PIEZO2: variants seen among roughly 807,000 people sequenced by gnomAD.
The protein encoded by PIEZO2 is piezo type mechanosensitive ion channel component 2.
Under a neutral mutation model 337.3 loss-of-function variants are expected in PIEZO2, and 172 were observed. The ratio of observed to expected loss-of-function variants is 0.51; its 90% CI spans 0.45 to 0.58. The LOEUF (loss-of-function observed/expected upper bound fraction) is 0.58. Among genes scored for constraint, PIEZO2 ranks in the 20% least tolerant of loss-of-function variants. PIEZO2 has a pLI of 0.00. For missense variants in PIEZO2, 3,028 were observed against 3,391.3 expected, an observed-to-expected ratio of 0.89 and a Z score of 2.66; for synonymous variants, 1,251 against 1,228.5, an observed-to-expected ratio of 1.02 and a Z score of -0.38.
At position 11,033,170 on chromosome 18, in the gene PIEZO2, C is replaced by T. The variant is rs1232282007; in HGVS notation, c.160+32957G>A. 1.3e-5 allele frequency among the ~76,000 whole-genome samples: 2 copies of T among 152,246 alleles called. No homozygotes were observed. The highest frequency in any genetic ancestry group is 2.9e-5 in the Non-Finnish European group (2 of 68,050). On this transcript the variant is annotated intron_variant, in intron 2 of 55. Coordinates refer to ENST00000674853, the MANE Select transcript of PIEZO2 (RefSeq NM_001378183.1). This position sits in a 1 kb window ranked among gnomAD's most constrained non-coding sequence, Gnocchi z 4.2. ...ACGTCATTGAGTCCTCTCTACAACA[C>T]ACATGTGGGCACTGTTCTCTCCTTC...
intron 2 of PIEZO2, among the ~76,000 whole-genome samples, chr18:11,062,785 A>G (rs2038014385): frequency 6.6e-6 from 1 of 152,220 alleles, no homozygotes; most frequent in Non-Finnish European, 1.5e-5. Context: ...GATGTGGAGA[A>G]ATAGGAACAC....
At chr18:10,744,070 A>G in intron 31 of PIEZO2, 72 bp downstream of exon 31, 1 of 1,084,480 alleles carries the variant, frequency 9.2e-7, no homozygotes, top group South Asian at 1.4e-5. Flanking sequence ...GCTCCCCAAC[A>G]GTGGAGCACC....
chr18:10,703,865 G>T (rs547140139), intron 42 of PIEZO2, among the ~76,000 whole-genome samples: 1 of 152,098 alleles, frequency 6.6e-6, no homozygotes, highest in Non-Finnish European at 1.5e-5. Flanking sequence ...TTTGTGTTGC[G>T]ACGTATGGAA....
At chr18:10,791,440 T>A (rs985089243) in intron 13 of PIEZO2, 116 bp from the exon 14 acceptor site, 4 of 1,185,254 alleles carry the variant, frequency 3.4e-6, no homozygotes, top group East Asian at 6.4e-5. Context: ...TAAACCTTTT[T>A]ATTGGAGACA....
rs1332905834 is a variant in PIEZO2 at position 11,128,374 on chromosome 18, C to A, written c.64+20151G>T. 2.6e-5 allele frequency among the ~76,000 whole-genome samples: 4 copies of A among 152,286 alleles called. No individual in the cohort carries two copies. The East Asian group carries it at 7.7e-4, about 29-fold the overall frequency. On this transcript the variant is annotated intron_variant, in intron 1 of 55. Coordinates refer to ENST00000674853, the MANE Select transcript of PIEZO2 (RefSeq NM_001378183.1). The surrounding 1 kb of genome is among the most constrained non-coding windows in gnomAD (Gnocchi z 4.1). The stretch of plus-strand genomic sequence containing the variant: ...AGTGGCTGACCTGCAACGAAAGATA[C>A]ATGCACAGCCCCGCCAGGTGTCTAC...
chr18:10,689,130 G>T (rs774837577), intron 49 of PIEZO2, among the ~76,000 whole-genome samples: 36 of 152,180 alleles, frequency 2.4e-4, no homozygotes, highest in Middle Eastern at 3.2e-3. Context: ...TTATGCAACA[G>T]ACTCTTCTTC....
At chr18:10,804,216 C>T (rs542653360) in intron 8 of PIEZO2, among the ~76,000 whole-genome samples, 1 of 152,374 alleles carries the variant, frequency 6.6e-6, no homozygotes, top group Admixed American at 6.5e-5. Context: ...TACTAAGCCC[C>T]ATGCATTACA....
chr18:11,075,786 C>CTTTTTTTT (rs147029235), intron 1 of PIEZO2, among the ~76,000 whole-genome samples: 1 of 125,256 alleles, frequency 8.0e-6, no homozygotes, highest in Non-Finnish European at 1.7e-5. Flanking sequence ...AGATATATTT[C>CTTTTTTTT]TTTTTTTTTT....
chr18:10,920,068 T>C (rs2031285882), intron 3 of PIEZO2, among the ~76,000 whole-genome samples: 1 of 152,190 alleles, frequency 6.6e-6, no homozygotes, highest in South Asian at 2.1e-4. Flanking sequence ...TTTCCCACAG[T>C]GTTCCCCCTA....
chr18:11,127,642 G>A lies in PIEZO2; in HGVS notation c.64+20883C>T, dbSNP rs1380220667. Among the ~76,000 whole-genome samples, 3 of 151,316 alleles carry A rather than the reference G, an allele frequency of 2.0e-5. No homozygotes were observed. Among genetic ancestry groups the A allele is most frequent in the African/African-American group, 7.3e-5 (3 of 41,102 alleles). On this transcript the variant is annotated intron_variant, in intron 1 of 55. Coordinates refer to ENST00000674853, the MANE Select transcript of PIEZO2 (RefSeq NM_001378183.1). The surrounding 1 kb of genome is among the most constrained non-coding windows in gnomAD (Gnocchi z 4.5). ...CTCAGCTTGCAGAAAGCCTATTGTG[G>A]GACCTTGTGATCATGTAAGTTAATA...
chr18:10,993,956 C>T lies in PIEZO2; in HGVS notation c.161-14296G>A, dbSNP rs1311978228. 6.6e-6 allele frequency among the ~76,000 whole-genome samples: 1 copy of T among 152,150 alleles called. No individual in the cohort carries two copies. Among genetic ancestry groups the T allele is most frequent in the African/African-American group, 2.4e-5 (1 of 41,414 alleles). ...TTGTGAGATTTTGGTGTACCCATCA[C>T]CCAAGAAGTATACACTGAAGCCAAT... On this transcript the variant is annotated intron_variant, in intron 2 of 55. Transcript: ENST00000674853. The surrounding 1 kb of genome is among the most constrained non-coding windows in gnomAD (Gnocchi z 5.0).
chr18:10,949,370 T>C (rs2033179237), intron 3 of PIEZO2, among the ~76,000 whole-genome samples: 1 of 152,158 alleles, frequency 6.6e-6, no homozygotes, highest in East Asian at 1.9e-4. Flanking sequence ...CATGCTCAAA[T>C]AATGCTTTTA....
chr18:10,915,680 C>T (rs1215519792), intron 3 of PIEZO2, among the ~76,000 whole-genome samples: 2 of 152,048 alleles, frequency 1.3e-5, no homozygotes, highest in African/African-American at 2.4e-5. Flanking sequence ...TTACTACATC[C>T]CCTTTTCAGG....
chr18:11,098,482 T>C (rs370175714), intron 1 of PIEZO2, among the ~76,000 whole-genome samples: 230 of 150,808 alleles, frequency 1.5e-3, no homozygotes, highest in Middle Eastern at 6.8e-3. Flanking sequence ...CACACTCTAT[T>C]TTGAATTCCA....
intron 1 of PIEZO2, among the ~76,000 whole-genome samples, chr18:11,138,274 T>A (rs2040545347): frequency 6.6e-6 from 1 of 151,860 alleles, no homozygotes; most frequent in African/African-American, 2.4e-5. Context: ...AGATATAGTG[T>A]TTTTTTTGTT....
rs922253709 is a variant in PIEZO2, at chr18:10,870,067, G to T, written c.492+1186C>A. Among the ~76,000 whole-genome samples, 1 of 152,196 alleles carries T rather than the reference G, an allele frequency of 6.6e-6. No individual in the cohort carries two copies. Among genetic ancestry groups the T allele is most frequent in the South Asian group, 2.1e-4 (1 of 4,806 alleles). On this transcript the variant is annotated intron_variant, in intron 5 of 55. Transcript: ENST00000674853. This position sits in a 1 kb window ranked among gnomAD's most constrained non-coding sequence, Gnocchi z 5.3. ...ATTTTTGTATTTTTAGTAGAGACAGGGTTTCACCATGTTGGCCAGGCTGGT... is the reference window on the plus strand; with the variant it reads ...ATTTTTGTATTTTTAGTAGAGACAGTGTTTCACCATGTTGGCCAGGCTGGT...
chr18:10,913,971 T>C (rs2030704687), intron 3 of PIEZO2, among the ~76,000 whole-genome samples: 1 of 152,182 alleles, frequency 6.6e-6, no homozygotes, highest in Non-Finnish European at 1.5e-5. Flanking sequence ...CCCTAGAGGT[T>C]TGGATTTTTA....
intron 7 of PIEZO2, among the ~76,000 whole-genome samples, chr18:10,812,612 G>A (rs1019970582): frequency 1.3e-5 from 2 of 152,154 alleles, no homozygotes; most frequent in African/African-American, 4.8e-5. Flanking sequence ...ACTGTGATGA[G>A]TCTTCCCCCT....
intron 1 of PIEZO2, among the ~76,000 whole-genome samples, chr18:11,113,972 C>T (rs186527227): frequency 2.6e-5 from 4 of 152,338 alleles, no homozygotes; most frequent in Admixed American, 2.6e-4. Context: ...TCAATAGCTA[C>T]GGCAAAGCCA....
Sources: gnomAD v4.1 joint callset for allele counts (sites outside exome capture counted in the v4.1 genomes callset) on GRCh38, gnomAD v4.1.1 for gene constraint, Gnocchi (gnomAD v3.1) non-coding constraint, MANE v1.5 for transcripts, NCBI Gene and HGNC (gene_info 2026-07-23, HGNC 2026-07-21) for gene names.